GSE1: variants seen among roughly 807,000 people sequenced by gnomAD.
GSE1 encodes the protein genetic suppressor element 1.
A neutral mutation model predicts 112.6 loss-of-function variants in GSE1; 32 were observed. The observed-to-expected ratio is 0.28, with a 90% CI of 0.21 to 0.38. The LOEUF (loss-of-function observed/expected upper bound fraction) is 0.38, where lower values mean the gene tolerates loss of function less well. Among genes scored for constraint, GSE1 ranks in the 10% least tolerant of loss-of-function variants. The probability of loss-of-function intolerance (pLI) is 1.00; values close to 1 mark genes in which losing one functional copy is unlikely to be tolerated. For missense variants in GSE1, 2,348 were observed against 1,699.2 expected (o/e 1.38, Z -6.71); for synonymous variants, 1,115 against 735.6 (o/e 1.52, Z -8.35).
At chr16:85,613,254 G>A, upstream of GSE1, 1 of 1,524,670 alleles carries the variant, frequency 6.6e-7, no homozygotes, top group Non-Finnish European at 8.8e-7. Context: ...CTTGGCCGGG[G>A]CCCCGGAAGC....
At chr16:85,558,909 G>C (rs989844403) in intron 1 of GSE1, among the ~76,000 whole-genome samples, 1 of 152,126 alleles carries the variant, frequency 6.6e-6, no homozygotes, top group Admixed American at 6.5e-5. Context: ...CCAGGCTGGA[G>C]TGCAGTGGTG....
Position 85,246,496 on chromosome 16 carries a change from ACACACC to A in GSE1, c.2283+74691_2283+74696del, listed in dbSNP as rs1905832397. 4.9e-5 allele frequency among the ~76,000 whole-genome samples: 2 copies of A among 40,422 alleles called. 1 individual carries two copies. Among genetic ancestry groups the A allele is most frequent in the Non-Finnish European group, 1.0e-4 (2 of 19,182 alleles). The allele number at this position is 40,422 out of a possible 152,430, so 26.5% of individuals were successfully genotyped here. On this transcript the variant is annotated intron_variant, in intron 1 of 2. Transcript: ENST00000637419. The stretch of plus-strand genomic sequence containing the variant: ...GCACACACACACACACACACACTCT[ACACACC>A]CCCCCCCCCCCGACGCTGTCTGCAG...
At chr16:85,668,035 C>T in intron 13 of GSE1, 105 bp from the exon 14 acceptor site, 2 of 835,074 alleles carry the variant, frequency 2.4e-6, no homozygotes, top group Non-Finnish European at 1.9e-6. Context: ...CGGAGCCCTG[C>T]AGTCATGTTG....
intron 2 of GSE1, among the ~76,000 whole-genome samples, chr16:85,547,286 A>C (rs2044733611): frequency 6.6e-6 from 1 of 152,230 alleles, no homozygotes; most frequent in Admixed American, 6.5e-5. Flanking sequence ...GTGGCAGCTT[A>C]AAACAACAGA....
chr16:85,197,582 T>G (rs779367065), intron 1 of GSE1, among the ~76,000 whole-genome samples: 2 of 152,220 alleles, frequency 1.3e-5, no homozygotes, highest in Non-Finnish European at 1.5e-5. Flanking sequence ...GGACAGTGTT[T>G]CCTGCGTCGC....
At chr16:85,315,526 CAAGT>C (rs2151490160) in intron 1 of GSE1, among the ~76,000 whole-genome samples, 1 of 152,200 alleles carries the variant, frequency 6.6e-6, no homozygotes, top group East Asian at 1.9e-4. Flanking sequence ...CCTCCTACAG[CAAGT>C]GCTGGGCTCC....
chr16:85,589,801 C>T (rs557731936), intron 1 of GSE1, among the ~76,000 whole-genome samples: 4 of 151,242 alleles, frequency 2.6e-5, no homozygotes, highest in East Asian at 1.9e-4. Context: ...ATGTGTGAGA[C>T]GTGTGTGAAT....
intron 2 of GSE1, among the ~76,000 whole-genome samples, chr16:85,417,958 C>T (rs2048741914): frequency 6.6e-6 from 1 of 152,218 alleles, no homozygotes; most frequent in South Asian, 2.1e-4. Flanking sequence ...TCTGCCTCAG[C>T]CTTCCGAGTA....
chr16:85,381,614 C>T (rs2047547140), intron 2 of GSE1, among the ~76,000 whole-genome samples: 1 of 152,220 alleles, frequency 6.6e-6, no homozygotes, highest in African/African-American at 2.4e-5. Flanking sequence ...GATGAGCAAA[C>T]TGAGGCTATG....
At chr16:85,290,751 G>A (rs899173464) in intron 1 of GSE1, among the ~76,000 whole-genome samples, 3 of 151,558 alleles carry the variant, frequency 2.0e-5, no homozygotes, top group Middle Eastern at 3.4e-3. Flanking sequence ...CGAGCTGTCC[G>A]GTAGATTCTG....
upstream of GSE1, among the ~76,000 whole-genome samples, chr16:85,610,714 C>G (rs1222681074): frequency 6.6e-6 from 1 of 152,194 alleles, no homozygotes; most frequent in Non-Finnish European, 1.5e-5. Flanking sequence ...CCGGCAGCGC[C>G]TCGCTCCCCT....
intron 1 of GSE1, among the ~76,000 whole-genome samples, 200 bp downstream of exon 1, chr16:85,613,598 CTGGGAGGCCTGGCTGCGG>C (rs1442187253): frequency 6.6e-6 from 1 of 151,432 alleles, no homozygotes; most frequent in East Asian, 2.0e-4. Context: ...GGGTCGCAGC[CTGGGAGGCCTGGCTGCGG>C]GCGGGGACTC....
At chr16:85,587,693 C>T (rs1362959510) in intron 1 of GSE1, among the ~76,000 whole-genome samples, 1 of 152,196 alleles carries the variant, frequency 6.6e-6, no homozygotes, top group East Asian at 1.9e-4. Context: ...CGAGAACCCT[C>T]TCCTGCCCCA....
intron 2 of GSE1, among the ~76,000 whole-genome samples, chr16:85,445,370 G>T (rs1482191569): frequency 6.6e-6 from 1 of 152,224 alleles, no homozygotes; most frequent in Non-Finnish European, 1.5e-5. Context: ...GAACATGGGG[G>T]GCGGGAGAGG....
chr16:85,613,096 C>G, upstream of GSE1: 1 of 822,918 alleles, frequency 1.2e-6, no homozygotes, highest in Non-Finnish European at 1.7e-6. Context: ...GGGCGCCCGT[C>G]GGTGCGCGCG....
chr16:85,547,649 G>A (rs1187789578), intron 2 of GSE1, among the ~76,000 whole-genome samples: 1 of 152,110 alleles, frequency 6.6e-6, no homozygotes, highest in Non-Finnish European at 1.5e-5. Flanking sequence ...GGGAGGCCGG[G>A]GAGGGTGTAT....
chr16:85,509,519 G>A (rs1280683600), intron 2 of GSE1, among the ~76,000 whole-genome samples: 2 of 152,230 alleles, frequency 1.3e-5, no homozygotes, highest in African/African-American at 2.4e-5. Flanking sequence ...TGGAGGGTCC[G>A]AGCTCCGTTT....
At chr16:85,263,842 G>A (rs1411037744) in intron 1 of GSE1, among the ~76,000 whole-genome samples, 3 of 152,224 alleles carry the variant, frequency 2.0e-5, no homozygotes, top group African/African-American at 7.2e-5. Flanking sequence ...CAAAGTGCTG[G>A]GATTCCAGGC....
intron 2 of GSE1, among the ~76,000 whole-genome samples, chr16:85,378,586 T>G (rs1422691720): frequency 6.6e-6 from 1 of 152,190 alleles, no homozygotes; most frequent in African/African-American, 2.4e-5. Flanking sequence ...GCAGCCCTGC[T>G]TGGCGCCCTT....
Sources: gnomAD v4.1 joint callset for allele counts (sites outside exome capture counted in the v4.1 genomes callset) on GRCh38, gnomAD v4.1.1 for gene constraint, MANE v1.5 for transcripts, NCBI Gene and HGNC (gene_info 2026-07-23, HGNC 2026-07-21) for gene names.